SLC24A2: variants seen among roughly 807,000 people sequenced by gnomAD.
The protein encoded by SLC24A2 is sodium/potassium/calcium exchanger 2.
Under a neutral mutation model 62.0 loss-of-function variants are expected in SLC24A2, and 36 were observed. The ratio of observed to expected loss-of-function variants is 0.58; its 90% CI spans 0.44 to 0.77. SLC24A2 has a LOEUF of 0.77. SLC24A2 is among the 30% of genes least tolerant of loss of function. SLC24A2 has a pLI of 0.00. For synonymous variants in SLC24A2, 358 were observed against 294.0 expected (o/e 1.22, Z -2.23); for missense variants, 846 against 817.9 (o/e 1.03, Z -0.42).
the SLC24A2 span, among the ~76,000 whole-genome samples, chr9:20,014,214 G>A: frequency 1.3e-5 from 2 of 151,720 alleles, no homozygotes; most frequent in African/African-American, 2.4e-5. Flanking sequence ...TCTCAGCGGG[G>A]GAAAAAAAGA....
the SLC24A2 span, among the ~76,000 whole-genome samples, chr9:20,149,599 A>G: frequency 2.6e-4 from 39 of 152,182 alleles, no homozygotes; most frequent in Admixed American, 2.3e-3. Flanking sequence ...TAATATATAA[A>G]CAAGTTAAAA....
At chr9:20,264,046 T>C in the SLC24A2 span, among the ~76,000 whole-genome samples, 8 of 152,036 alleles carry the variant, frequency 5.3e-5, no homozygotes, top group African/African-American at 1.9e-4. Context: ...CAATGCTTCT[T>C]CCTCCTGCCA....
intron 9 of SLC24A2, among the ~76,000 whole-genome samples, chr9:19,523,142 C>A (rs1006023183): frequency 6.6e-6 from 1 of 152,128 alleles, no homozygotes. Flanking sequence ...TATAGCAAGA[C>A]CTTGTCCCCG....
At chr9:19,544,938 T>C (rs1834473843) in intron 8 of SLC24A2, among the ~76,000 whole-genome samples, 2 of 152,198 alleles carry the variant, frequency 1.3e-5, no homozygotes, top group Non-Finnish European at 1.5e-5. Context: ...ATCTTTGTGG[T>C]GTTCTCTGTA....
At chr9:20,298,585 T>TA in the SLC24A2 span, among the ~76,000 whole-genome samples, 1 of 152,256 alleles carries the variant, frequency 6.6e-6, no homozygotes, top group South Asian at 2.1e-4. Flanking sequence ...TAAAACTAGA[T>TA]ACGTTCTTCC....
chr9:19,576,821 G>GT, intron 6 of SLC24A2, 103 bp downstream of exon 6: 2 of 684,178 alleles, frequency 2.9e-6, no homozygotes, highest in Middle Eastern at 3.1e-4. Flanking sequence ...CTGCAGCGGT[G>GT]TGTGTGTCTG....
the SLC24A2 span, among the ~76,000 whole-genome samples, chr9:20,091,214 G>T: frequency 6.6e-6 from 1 of 150,652 alleles, no homozygotes; most frequent in Non-Finnish European, 1.5e-5. Context: ...TACGTAAAGA[G>T]GTCAAATCTA....
At chr9:19,832,327 AT>A in the SLC24A2 span, among the ~76,000 whole-genome samples, 1 of 152,258 alleles carries the variant, frequency 6.6e-6, no homozygotes, top group Non-Finnish European at 1.5e-5. Flanking sequence ...AGTGAATGTT[AT>A]AGTTCTATAT....
chr9:19,955,100 A>G, the SLC24A2 span, among the ~76,000 whole-genome samples: 9 of 152,110 alleles, frequency 5.9e-5, no homozygotes, highest in Admixed American at 3.3e-4. Context: ...TCTTTATATT[A>G]TGCTCTTTCT....
chr9:20,148,026 C>A, the SLC24A2 span, among the ~76,000 whole-genome samples: 2 of 151,978 alleles, frequency 1.3e-5, no homozygotes, highest in Non-Finnish European at 2.9e-5. Flanking sequence ...AAAGAATCTC[C>A]TGTGTTCTAG....
chr9:19,563,561 T>TAACA (rs1835504095), intron 7 of SLC24A2, among the ~76,000 whole-genome samples: 1 of 152,142 alleles, frequency 6.6e-6, no homozygotes, highest in African/African-American at 2.4e-5. Flanking sequence ...CTATCAGAGC[T>TAACA]AACATTTTTT....
chr9:19,644,460 T>G (rs1818586403), intron 2 of SLC24A2, among the ~76,000 whole-genome samples: 1 of 152,176 alleles, frequency 6.6e-6, no homozygotes, highest in Non-Finnish European at 1.5e-5. Context: ...CATCCCTATG[T>G]TACAGATGGG....
chr9:19,923,565 A>G, the SLC24A2 span, among the ~76,000 whole-genome samples: 1 of 152,116 alleles, frequency 6.6e-6, no homozygotes, highest in South Asian at 2.1e-4. Context: ...ACATTGCCGC[A>G]GTTCTGCTGT....
chr9:20,249,238 C>T, the SLC24A2 span, among the ~76,000 whole-genome samples: 1 of 152,146 alleles, frequency 6.6e-6, no homozygotes, highest in Non-Finnish European at 1.5e-5. Flanking sequence ...TAGTACAATG[C>T]CTGGCATATT....
intron 2 of SLC24A2, among the ~76,000 whole-genome samples, chr9:19,716,992 A>G (rs1385997828): frequency 6.6e-6 from 1 of 152,136 alleles, no homozygotes; most frequent in East Asian, 1.9e-4. Flanking sequence ...TTTCTCCCCC[A>G]TCAAACATAG....
chr9:20,224,571 C>T, the SLC24A2 span, among the ~76,000 whole-genome samples: 1 of 151,852 alleles, frequency 6.6e-6, no homozygotes. Flanking sequence ...CATAGTCTAG[C>T]AAGTTGCCTT....
intron 8 of SLC24A2, among the ~76,000 whole-genome samples, chr9:19,531,900 C>T (rs1197496167): frequency 6.6e-6 from 1 of 152,106 alleles, no homozygotes; most frequent in Non-Finnish European, 1.5e-5. Context: ...AAATGTCTAG[C>T]AAAGTACCTC....
At chr9:19,732,753 G>A (rs960766547) in intron 2 of SLC24A2, among the ~76,000 whole-genome samples, 2 of 152,166 alleles carry the variant, frequency 1.3e-5, no homozygotes, top group Non-Finnish European at 2.9e-5. Context: ...GGCAGACCAT[G>A]AAACAGAGAC....
At chr9:19,591,873 T>C (rs1040500616) in intron 5 of SLC24A2, among the ~76,000 whole-genome samples, 3 of 152,264 alleles carry the variant, frequency 2.0e-5, no homozygotes, top group African/African-American at 7.2e-5. Context: ...CTATTTTGCC[T>C]GATGTATCAG....
Sources: allele counts gnomAD v4.1 joint callset (sites outside exome capture counted in the v4.1 genomes callset), GRCh38; gene constraint gnomAD v4.1.1; transcripts MANE v1.5; gene names NCBI Gene and HGNC (gene_info 2026-07-23, HGNC 2026-07-21).